Variants in SLC35D4 observed in about 807,000 individuals in gnomAD.
The protein encoded by SLC35D4 is solute carrier family 35 member D4, also known as UDP-N-acetylglucosamine transporter SLC35D4.
the SLC35D4 span, among the ~76,000 whole-genome samples, chr18:23,359,362 C>T: frequency 9.0e-4 from 126 of 140,686 alleles, no homozygotes; most frequent in African/African-American, 3.3e-3. Flanking sequence ...CCAGCCTGGG[C>T]GACAGAGTGA....
the SLC35D4 span, among the ~76,000 whole-genome samples, chr18:23,366,162 C>T: frequency 6.6e-6 from 1 of 152,114 alleles, no homozygotes. Context: ...TGAAAACTAA[C>T]TTTACTGATT....
the SLC35D4 span, among the ~76,000 whole-genome samples, chr18:23,303,282 G>C: frequency 6.6e-6 from 1 of 152,216 alleles, no homozygotes; most frequent in African/African-American, 2.4e-5. Flanking sequence ...AACCTCAGGA[G>C]TCCTCAAAAA....
chr18:23,344,170 C>T, the SLC35D4 span, among the ~76,000 whole-genome samples: 107,291 of 152,082 alleles, frequency 0.71, 38,140 homozygotes, highest in Middle Eastern at 0.8. Context: ...GTGTGAGCCA[C>T]CATGCTCGGC....
chr18:23,254,829 C>G, the SLC35D4 span, among the ~76,000 whole-genome samples: 1 of 152,198 alleles, frequency 6.6e-6, no homozygotes, highest in African/African-American at 2.4e-5. Context: ...GCCCCATCTC[C>G]TAATACCATC....
chr18:23,272,847 A>G, the SLC35D4 span, among the ~76,000 whole-genome samples: 2 of 152,200 alleles, frequency 1.3e-5, no homozygotes, highest in Non-Finnish European at 2.9e-5. Flanking sequence ...TTGCTCTTGA[A>G]GCGTTGGACC....
At chr18:23,437,730 C>T in the SLC35D4 span, 1 of 1,570,028 alleles carries the variant, frequency 6.4e-7, no homozygotes, top group South Asian at 1.1e-5. Flanking sequence ...GAAGATTCTC[C>T]GACTCAAACC....
chr18:23,392,329 T>C, the SLC35D4 span, among the ~76,000 whole-genome samples: 2 of 152,232 alleles, frequency 1.3e-5, no homozygotes, highest in Admixed American at 6.5e-5. Flanking sequence ...ACATCCTCTC[T>C]GGAAGAAGGT....
chr18:23,314,495 AAT>A, the SLC35D4 span, among the ~76,000 whole-genome samples: 4 of 152,178 alleles, frequency 2.6e-5, no homozygotes, highest in African/African-American at 9.6e-5. Context: ...CACCACCTTC[AAT>A]GAGATAATAT....
the SLC35D4 span, among the ~76,000 whole-genome samples, chr18:23,383,665 C>T: frequency 7.9e-5 from 12 of 151,964 alleles, no homozygotes; most frequent in African/African-American, 2.4e-4. Context: ...GAGATTTTCC[C>T]GTGCGAGGGA....
At chr18:23,248,097 G>A in the SLC35D4 span, among the ~76,000 whole-genome samples, 35 of 152,352 alleles carry the variant, frequency 2.3e-4, no homozygotes, top group South Asian at 5.0e-3. Flanking sequence ...GGCCTGGCGC[G>A]CTCTGCCACC....
chr18:23,405,887 C>T, the SLC35D4 span, among the ~76,000 whole-genome samples: 2 of 152,198 alleles, frequency 1.3e-5, no homozygotes. Flanking sequence ...AGTTAGTCAC[C>T]TGGTATGTGT....
the SLC35D4 span, among the ~76,000 whole-genome samples, chr18:23,249,029 T>C: frequency 6.6e-6 from 1 of 152,186 alleles, no homozygotes; most frequent in East Asian, 1.9e-4. Context: ...GGCTGCTGGC[T>C]CCAGATCCGT....
At chr18:23,428,092 G>A in the SLC35D4 span, among the ~76,000 whole-genome samples, 3 of 151,918 alleles carry the variant, frequency 2.0e-5, no homozygotes, top group African/African-American at 7.3e-5. Context: ...TGGGCACAGC[G>A]CACCAACATG....
At chr18:23,295,149 G>C in the SLC35D4 span, among the ~76,000 whole-genome samples, 2 of 150,872 alleles carry the variant, frequency 1.3e-5, no homozygotes, top group Non-Finnish European at 3.0e-5. Context: ...TGACATCCTA[G>C]ATGAAGAACA....
At chr18:23,279,779 T>C in the SLC35D4 span, among the ~76,000 whole-genome samples, 1 of 152,176 alleles carries the variant, frequency 6.6e-6, no homozygotes, top group South Asian at 2.1e-4. Context: ...TCTGTTGTTA[T>C]ATAGAGAGAC....
At chr18:23,310,374 C>G in the SLC35D4 span, 1 of 749,594 alleles carries the variant, frequency 1.3e-6, no homozygotes, top group Non-Finnish European at 1.6e-6. Context: ...GCTGGAAATT[C>G]CAGAAAGGTG....
At chr18:23,293,434 A>G in the SLC35D4 span, among the ~76,000 whole-genome samples, 1 of 152,278 alleles carries the variant, frequency 6.6e-6, no homozygotes, top group African/African-American at 2.4e-5. Context: ...ACATGTAATC[A>G]ATAGAAAAAT....
chr18:23,265,782 A>G, the SLC35D4 span, among the ~76,000 whole-genome samples: 1 of 152,014 alleles, frequency 6.6e-6, no homozygotes, highest in Non-Finnish European at 1.5e-5. Flanking sequence ...GAGAGGGTGG[A>G]TGGCACACTC....
the SLC35D4 span, among the ~76,000 whole-genome samples, chr18:23,405,032 A>AGG: frequency 2.0e-5 from 3 of 146,356 alleles, no homozygotes; most frequent in Non-Finnish European, 4.5e-5. Flanking sequence ...AACAGGCCCA[A>AGG]GGGAGCTTGT....
Sources: gnomAD v4.1 joint callset for allele counts (sites outside exome capture counted in the v4.1 genomes callset) on GRCh38, gnomAD v4.1.1 for gene constraint, MANE v1.5 for transcripts, NCBI Gene and HGNC (gene_info 2026-07-23, HGNC 2026-07-21) for gene names.